Variants in PTPRT observed in about 807,000 individuals in gnomAD.
PTPRT encodes protein tyrosine phosphatase receptor type T, also known as receptor-type tyrosine-protein phosphatase T.
A neutral mutation model predicts 176.8 loss-of-function variants in PTPRT; 56 were observed. The ratio of observed to expected loss-of-function variants is 0.32; its 90% confidence interval spans 0.26 to 0.40. The LOEUF (loss-of-function observed/expected upper bound fraction) is 0.40, where lower values mean the gene tolerates loss of function less well. PTPRT is among the 10% of genes least tolerant of loss of function. The pLI is 1.00. For synonymous variants in PTPRT, 783 were observed against 739.0 expected (o/e 1.06, Z -0.96); for missense variants, 1,540 against 1,908.2 (o/e 0.81, Z 3.60).
chr20:42,587,697 T>C (rs1335728862), intron 7 of PTPRT, among the ~76,000 whole-genome samples: 2 of 152,140 alleles, frequency 1.3e-5, no homozygotes, highest in African/African-American at 4.8e-5. Context: ...CTGGCTATCT[T>C]CAAATGCGGT....
intron 7 of PTPRT, among the ~76,000 whole-genome samples, chr20:42,490,635 A>AT (rs201748971): frequency 0.14 from 21,601 of 151,982 alleles, 3,716 homozygotes; most frequent in African/African-American, 0.42. Flanking sequence ...TTATCATATC[A>AT]TCTACAAACA....
intron 7 of PTPRT, among the ~76,000 whole-genome samples, chr20:42,559,384 T>C (rs13041742): frequency 0.22 from 33,963 of 152,136 alleles, 4,158 homozygotes; most frequent in African/African-American, 0.31. Flanking sequence ...ATGTAACTTA[T>C]GCAAAGCAGC....
intron 9 of PTPRT, among the ~76,000 whole-genome samples, chr20:42,379,027 C>A (rs932478056): frequency 2.6e-5 from 4 of 152,214 alleles, no homozygotes; most frequent in South Asian, 2.1e-4. Context: ...ACCGTGCCCC[C>A]ACAGCTCCAT....
At chr20:42,625,343 G>A (rs148063978) in intron 7 of PTPRT, among the ~76,000 whole-genome samples, 250 of 152,142 alleles carry the variant, frequency 1.6e-3, no homozygotes, top group African/African-American at 5.7e-3. Flanking sequence ...ATGAAAGAGG[G>A]AGAACGAATA....
At chr20:42,672,163 A>G (rs926061675) in intron 7 of PTPRT, among the ~76,000 whole-genome samples, 1 of 152,238 alleles carries the variant, frequency 6.6e-6, no homozygotes, top group Non-Finnish European at 1.5e-5. Flanking sequence ...GCCAAAGAAG[A>G]TTAACATTTG....
the PTPRT span, among the ~76,000 whole-genome samples, chr20:42,055,053 A>G: frequency 6.6e-6 from 1 of 152,198 alleles, no homozygotes; most frequent in South Asian, 2.1e-4. Flanking sequence ...AACCTGCACA[A>G]TGTGCACATG....
chr20:42,627,062 C>T (rs2074303291), intron 7 of PTPRT, among the ~76,000 whole-genome samples: 2 of 152,122 alleles, frequency 1.3e-5, no homozygotes, highest in South Asian at 2.1e-4. Flanking sequence ...GAATAATGAA[C>T]ATACTGCTGA....
At chr20:43,037,773 C>A (rs557733833) in intron 1 of PTPRT, among the ~76,000 whole-genome samples, 10 of 152,294 alleles carry the variant, frequency 6.6e-5, no homozygotes, top group African/African-American at 2.4e-4. Context: ...AACGTAAAAT[C>A]TCCAGCTTCC....
At chr20:43,108,612 G>T (rs762213906) in intron 1 of PTPRT, among the ~76,000 whole-genome samples, 1 of 152,116 alleles carries the variant, frequency 6.6e-6, no homozygotes, top group Non-Finnish European at 1.5e-5. Context: ...GCCCCTCAAA[G>T]GTCTTCTGAA....
intron 7 of PTPRT, among the ~76,000 whole-genome samples, chr20:42,658,918 A>T (rs904821429): frequency 6.6e-6 from 1 of 152,130 alleles, no homozygotes; most frequent in Non-Finnish European, 1.5e-5. Flanking sequence ...ACATTTACAT[A>T]TTAGCTCAGT....
intron 1 of PTPRT, among the ~76,000 whole-genome samples, chr20:43,030,040 G>T (rs1986077156): frequency 6.6e-6 from 1 of 152,174 alleles, no homozygotes; most frequent in Admixed American, 6.5e-5. Flanking sequence ...ATTTTCAGAG[G>T]TTATTTATTA....
intron 8 of PTPRT, among the ~76,000 whole-genome samples, chr20:42,460,579 A>G (rs1439074549): frequency 1.3e-5 from 2 of 152,172 alleles, no homozygotes; most frequent in African/African-American, 4.8e-5. Context: ...AATCCCCATA[A>G]TCTCTACATG....
At chr20:42,639,545 G>A (rs2145925155) in intron 7 of PTPRT, among the ~76,000 whole-genome samples, 1 of 152,140 alleles carries the variant, frequency 6.6e-6, no homozygotes, top group Middle Eastern at 3.4e-3. Context: ...TTTTGTAGGG[G>A]ACACAGGAGG....
At chr20:42,846,466 T>C (rs2078374270) in intron 2 of PTPRT, among the ~76,000 whole-genome samples, 1 of 152,190 alleles carries the variant, frequency 6.6e-6, no homozygotes, top group African/African-American at 2.4e-5. Context: ...GCCATGGCTG[T>C]GGTGCTGGGG....
chr20:42,048,088 T>C, the PTPRT span, among the ~76,000 whole-genome samples: 2 of 152,192 alleles, frequency 1.3e-5, no homozygotes, highest in East Asian at 1.9e-4. Context: ...TTTCAACTGA[T>C]GGCCAGCTCC....
chr20:43,112,392 A>G (rs1412519538), intron 1 of PTPRT, among the ~76,000 whole-genome samples: 2 of 152,192 alleles, frequency 1.3e-5, no homozygotes, highest in Admixed American at 1.3e-4. Context: ...AAATTTCCAT[A>G]TGGGATAATG....
chr20:42,923,300 G>T (rs1979275912), intron 1 of PTPRT, among the ~76,000 whole-genome samples: 1 of 152,142 alleles, frequency 6.6e-6, no homozygotes, highest in Non-Finnish European at 1.5e-5. Flanking sequence ...CTATCTGAAG[G>T]CATCCAAAAG....
chr20:43,162,916 C>T (rs73106092), intron 1 of PTPRT, among the ~76,000 whole-genome samples: 112 of 152,352 alleles, frequency 7.4e-4, no homozygotes, highest in Non-Finnish European at 1.4e-3. Flanking sequence ...CTACCATCTC[C>T]GTATGGTGAT....
chr20:42,929,221 G>A (rs144123930), intron 1 of PTPRT, among the ~76,000 whole-genome samples: 183 of 152,376 alleles, frequency 1.2e-3, no homozygotes, highest in African/African-American at 4.2e-3. Context: ...TTACAAGAAT[G>A]CAAAAGGAAT....
Sources: gnomAD v4.1 joint callset for allele counts (sites outside exome capture counted in the v4.1 genomes callset) on GRCh38, gnomAD v4.1.1 for gene constraint, MANE v1.5 for transcripts, NCBI Gene and HGNC (gene_info 2026-07-23, HGNC 2026-07-21) for gene names.